CDC14B: variants seen among roughly 807,000 people sequenced by gnomAD.
CDC14B encodes cell division cycle 14B.
CDC14B carries 22 observed loss-of-function variants against 64.2 expected under a neutral mutation model. That is an observed-to-expected ratio of 0.34 (90% confidence interval 0.24 to 0.49). The LOEUF (loss-of-function observed/expected upper bound fraction) is 0.49, where lower values mean the gene tolerates loss of function less well. CDC14B is among the 20% of genes least tolerant of loss of function. The pLI is 0.99. For synonymous variants in CDC14B, 191 were observed against 215.8 expected (o/e 0.89, Z 1.01); for missense variants, 498 against 629.9 (o/e 0.79, Z 2.24).
At chr9:96,574,462 G>A (rs1206179375) in intron 1 of CDC14B, among the ~76,000 whole-genome samples, 4 of 151,788 alleles carry the variant, frequency 2.6e-5, no homozygotes, top group Non-Finnish European at 4.4e-5. Flanking sequence ...TAAAAACCTA[G>A]ATATAAGAAG....
At chr9:96,566,440 T>C (rs1399045872) in intron 1 of CDC14B, among the ~76,000 whole-genome samples, 2 of 152,170 alleles carry the variant, frequency 1.3e-5, no homozygotes, top group African/African-American at 4.8e-5. Flanking sequence ...CTAAAACTTC[T>C]TGCAACCACA....
intron 1 of CDC14B, among the ~76,000 whole-genome samples, chr9:96,589,165 A>C (rs1845634302): frequency 6.6e-6 from 1 of 151,412 alleles, no homozygotes; most frequent in South Asian, 2.1e-4. Context: ...GTGAAACCCT[A>C]TCTCTACTAA....
At chr9:96,581,508 A>C (rs1341896941) in intron 1 of CDC14B, among the ~76,000 whole-genome samples, 1 of 138,184 alleles carries the variant, frequency 7.2e-6, no homozygotes, top group East Asian at 1.9e-4. Flanking sequence ...AATTTAAAAA[A>C]TTAATTTAAA....
At chr9:96,543,419 C>G (rs1276507629) in intron 5 of CDC14B, among the ~76,000 whole-genome samples, 1 of 151,916 alleles carries the variant, frequency 6.6e-6, no homozygotes, top group East Asian at 1.9e-4. Flanking sequence ...CAGGTGTAAA[C>G]AGCTGTGCCC....
In CDC14B at chr9:96,534,038, C is replaced by A. The variant is rs752429241; in HGVS notation, c.835G>T (p.Asp279Tyr). Residue 279 changes from aspartate to tyrosine, a missense_variant, in exon 9 of 14, where the codon GAT (aspartate) becomes TAT (tyrosine). Transcript: ENST00000375241. Reference sequence around the variant, plus strand: ...TCCGCAAAGAAAAGATCATGGTGATCGAAGCCAGCATCCGTAAAGCGTTTG... The same window carrying A: ...TCCGCAAAGAAAAGATCATGGTGATAGAAGCCAGCATCCGTAAAGCGTTTG... ...DAKRFTDAGF[D>Y]HHDLFFADGS... 13 of 1,612,932 alleles carry A rather than the reference C, an allele frequency of 8.1e-6. No individual in the cohort carries two copies. The South Asian group carries it at 9.9e-5, about 12-fold the overall frequency.
In CDC14B at chr9:96,547,157, G is replaced by T. The variant is rs557538526; in HGVS notation, c.497+4639C>A. Among the ~76,000 whole-genome samples, 355 of 147,544 alleles carry T rather than the reference G, an allele frequency of 2.4e-3. 1 individual carries two copies. Among genetic ancestry groups the T allele is most frequent in the South Asian group, 5.2e-3 (24 of 4,618 alleles). On this transcript the variant is annotated intron_variant, in intron 5 of 13. Transcript: ENST00000375241. Reference sequence around the variant, plus strand: ...AGGCCAGGTACTATATCAAGTGTTTGTTTTTTTTTTAAGAGACAGGGTCTT... The same window carrying T: ...AGGCCAGGTACTATATCAAGTGTTTTTTTTTTTTTTAAGAGACAGGGTCTT...
chr9:96,522,404 T>C, intron 12 of CDC14B, 102 bp downstream of exon 12: 2 of 800,704 alleles, frequency 2.5e-6, no homozygotes, highest in Non-Finnish European at 4.4e-6. Context: ...AGTGGCATCA[T>C]GGGCTTGCAA....
chr9:96,579,156 G>T (rs1286710418), intron 1 of CDC14B, among the ~76,000 whole-genome samples: 2 of 152,062 alleles, frequency 1.3e-5, no homozygotes, highest in African/African-American at 4.8e-5. Context: ...AATGTAAGAT[G>T]ATGTTATGGA....
chr9:96,533,684 T>C (rs10118875), intron 9 of CDC14B, among the ~76,000 whole-genome samples: 17,474 of 152,188 alleles, frequency 0.11, 3,319 homozygotes, highest in African/African-American at 0.4. Flanking sequence ...TATCCTAGAA[T>C]TATATAGGAT....
At chr9:96,563,074 C>A (rs566431439) in intron 3 of CDC14B, among the ~76,000 whole-genome samples, 10 of 152,222 alleles carry the variant, frequency 6.6e-5, no homozygotes, top group Non-Finnish European at 1.5e-4. Context: ...GTAGAAAAGA[C>A]CACCTTTCCT....
intron 9 of CDC14B, among the ~76,000 whole-genome samples, chr9:96,532,317 T>C (rs1230054379): frequency 6.6e-6 from 1 of 152,212 alleles, no homozygotes; most frequent in Non-Finnish European, 1.5e-5. Flanking sequence ...ACCCACTGCC[T>C]TCTGGCCTGC....
At chr9:96,506,974 T>C (rs1376529424) in intron 13 of CDC14B, among the ~76,000 whole-genome samples, 1 of 152,232 alleles carries the variant, frequency 6.6e-6, no homozygotes, top group Non-Finnish European at 1.5e-5. Flanking sequence ...CAGAATTAAA[T>C]GTGCAAGACA....
intron 4 of CDC14B, among the ~76,000 whole-genome samples, chr9:96,553,631 G>A (rs1036527755): frequency 2.0e-5 from 3 of 151,786 alleles, no homozygotes; most frequent in Admixed American, 6.6e-5. Context: ...AAAGTGCTGG[G>A]ATTACAGACA....
intron 1 of CDC14B, among the ~76,000 whole-genome samples, chr9:96,596,087 G>T (rs967442997): frequency 6.6e-6 from 1 of 152,058 alleles, no homozygotes; most frequent in Non-Finnish European, 1.5e-5. Flanking sequence ...AAAAAGGCTG[G>T]GCATGATGGC....
intron 1 of CDC14B, among the ~76,000 whole-genome samples, chr9:96,587,326 G>C (rs2118507551): frequency 6.6e-6 from 1 of 152,304 alleles, no homozygotes; most frequent in Middle Eastern, 3.4e-3. Context: ...TGTGGGTAGT[G>C]GTCACTACAA....
chr9:96,586,080 G>A (rs1239489091), intron 1 of CDC14B, among the ~76,000 whole-genome samples: 1 of 151,766 alleles, frequency 6.6e-6, no homozygotes, highest in Non-Finnish European at 1.5e-5. Flanking sequence ...AAGACCCAGG[G>A]AACTTTAGCG....
At chr9:96,540,478 T>C (rs976664989) in intron 6 of CDC14B, among the ~76,000 whole-genome samples, 10 of 151,540 alleles carry the variant, frequency 6.6e-5, no homozygotes, top group Non-Finnish European at 1.5e-4. Context: ...ACAAAAAATA[T>C]AAAAATTAGC....
At chr9:96,521,537 A>C (rs1836716467) in intron 12 of CDC14B, among the ~76,000 whole-genome samples, 1 of 152,246 alleles carries the variant, frequency 6.6e-6, no homozygotes, top group Non-Finnish European at 1.5e-5. Flanking sequence ...TCTTTTAAGA[A>C]GAACCTCCCA....
intron 12 of CDC14B, among the ~76,000 whole-genome samples, chr9:96,511,924 A>C (rs1415707813): frequency 1.3e-5 from 2 of 152,124 alleles, no homozygotes; most frequent in Non-Finnish European, 2.9e-5. Flanking sequence ...CAATTCCCAC[A>C]CCAAAGAAAT....
Sources: allele counts gnomAD v4.1 joint callset (sites outside exome capture counted in the v4.1 genomes callset), GRCh38; gene constraint gnomAD v4.1.1; transcripts MANE v1.5; gene names NCBI Gene and HGNC (gene_info 2026-07-23, HGNC 2026-07-21).